MAP2K2: variants seen among roughly 807,000 people sequenced by gnomAD.
MAP2K2 encodes the protein dual specificity mitogen-activated protein kinase kinase 2.
In MAP2K2, 24 loss-of-function variants were observed where a neutral mutation model predicts 43.7. That is an observed-to-expected ratio of 0.55 (90% CI 0.40 to 0.77). The LOEUF (loss-of-function observed/expected upper bound fraction) is 0.77, where lower values mean the gene tolerates loss of function less well. Ranked by LOEUF, MAP2K2 falls within the 30% of genes least tolerant of loss-of-function variation. The pLI, the probability that MAP2K2 is intolerant of heterozygous loss-of-function variation, is 0.00. For missense variants in MAP2K2, 470 were observed against 566.8 expected (o/e 0.83, Z 1.73); for synonymous variants, 244 against 239.7 (o/e 1.02, Z -0.17).
chr19:4,097,102 G>A (rs1274643052), intron 8 of MAP2K2, among the ~76,000 whole-genome samples, 177 bp downstream of exon 8: 11 of 146,886 alleles, frequency 7.5e-5, no homozygotes, highest in African/African-American at 2.8e-4. Flanking sequence ...GCTGAGGCAC[G>A]AGAATCACAT....
In MAP2K2 at chr19:4,107,646, G is replaced by A. The variant is rs895306059; in HGVS notation, c.450+2863C>T. On this transcript the variant is annotated intron_variant, in intron 3 of 10. Coordinates refer to ENST00000262948, the MANE Select transcript of MAP2K2 (RefSeq NM_030662.4). ...CGTTTGAGCCCAAGAGGTGGAGGCT[G>A]CAGTGAGCTAGGATCATGCCACTGC... is the stretch of plus-strand genomic sequence containing the variant. Among the ~76,000 whole-genome samples, 14 of 152,032 alleles carry A rather than the reference G, an allele frequency of 9.2e-5. 1 individual carries two copies. The highest frequency in any genetic ancestry group is 2.6e-4 in the Admixed American group (4 of 15,254).
chr19:4,103,285 A>G (rs1286894316), intron 3 of MAP2K2: 2 of 982,808 alleles, frequency 2.0e-6, no homozygotes, highest in Admixed American at 6.1e-5. Flanking sequence ...ATGATGAAAC[A>G]GAAATTCCAT....
Position 4,115,292 on chromosome 19 carries a change from T to C in MAP2K2, c.303+2127A>G, listed in dbSNP as rs2041205972. 6.6e-6 allele frequency among the ~76,000 whole-genome samples: 1 copy of C among 152,124 alleles called. No homozygotes were observed. The highest frequency in any genetic ancestry group is 1.5e-5 in the Non-Finnish European group (1 of 68,010). On this transcript the variant is annotated intron_variant, in intron 2 of 10. Coordinates refer to ENST00000262948, the MANE Select transcript of MAP2K2 (RefSeq NM_030662.4). The surrounding 1 kb of genome is among the most constrained non-coding windows in gnomAD (Gnocchi z 4.1). Reference sequence around the variant, plus strand: ...TCAGGTTCAAAGGCCCCGATCTCCCTTTCCCCGCTACAGTAAAGCTGCAGG... The same window carrying C: ...TCAGGTTCAAAGGCCCCGATCTCCCCTTCCCCGCTACAGTAAAGCTGCAGG...
chr19:4,102,346 G>A (rs1309553751), intron 4 of MAP2K2, 30 bp downstream of exon 4: 2 of 1,554,732 alleles, frequency 1.3e-6, no homozygotes, highest in Non-Finnish European at 8.7e-7. Flanking sequence ...AGTGCGGTGG[G>A]GGCGCGATGT....
intron 1 of MAP2K2, 82 bp from the exon 2 acceptor site, chr19:4,117,711 C>T (rs1422885142): frequency 3.3e-6 from 4 of 1,219,260 alleles, no homozygotes; most frequent in African/African-American, 1.5e-5. Context: ...GGTGCATCGG[C>T]CCCCAGGAGG....
At chr19:4,098,063 C>T (rs368534009) in intron 7 of MAP2K2, among the ~76,000 whole-genome samples, 43 of 152,180 alleles carry the variant, frequency 2.8e-4, no homozygotes, top group African/African-American at 9.7e-4. Flanking sequence ...CCAATCCATC[C>T]GGGTAGGACC....
At chr19:4,117,914 C>T (rs1377815023) in intron 1 of MAP2K2, among the ~76,000 whole-genome samples, 1 of 152,114 alleles carries the variant, frequency 6.6e-6, no homozygotes, top group East Asian at 1.9e-4. Flanking sequence ...TCAAAGGACC[C>T]AGGAAGCCTC....
In MAP2K2 at chr19:4,090,409, C is replaced by T. The variant is rs2040843321; in HGVS notation, c.*189G>A. The T allele has an allele frequency of 1.6e-6, 1 of 633,648 alleles. No individual in the cohort carries two copies. The highest frequency in any genetic ancestry group is 2.4e-5 in the Admixed American group (1 of 41,782). 39.3% of individuals were successfully genotyped at this position (633,648 alleles called of 1,614,324 possible). A position where few individuals can be genotyped will look rare whatever the true frequency, so the allele number is the denominator to read the frequency against. ...CAGCAGCGTCGCCCGTCCCCAGAGG[C>T]ACCCCGGCCAGGACGGGCAGGAGAG... On this transcript the variant is annotated 3_prime_UTR_variant, in exon 11 of 11. Transcript: ENST00000262948.
At chr19:4,107,589 C>T (rs2041100805) in intron 3 of MAP2K2, among the ~76,000 whole-genome samples, 2 of 150,776 alleles carry the variant, frequency 1.3e-5, no homozygotes, top group South Asian at 4.2e-4. Context: ...CACCTGTAGT[C>T]CCGGCTACCT....
rs551098822 is a variant in MAP2K2 at position 4,101,290 on chromosome 19, A to G, written c.529-10T>C. 1.1e-5 allele frequency: 17 copies of G among 1,574,558 alleles called. No homozygotes were observed. The highest frequency in any genetic ancestry group is 3.5e-5 in the South Asian group (3 of 85,830). ...CCAAGCCCCGGAGAACCTGCAGGGG[A>G]GCGCGGAGGGAGTCACGGGACAAGG... On this transcript the variant is annotated splice_polypyrimidine_tract_variant and intron_variant, in intron 4 of 10. Transcript: ENST00000262948. This position sits in a 1 kb window ranked among gnomAD's most constrained non-coding sequence, Gnocchi z 6.3.
At chr19:4,091,797 T>C (rs2040858059) in intron 10 of MAP2K2, among the ~76,000 whole-genome samples, 1 of 152,176 alleles carries the variant, frequency 6.6e-6, no homozygotes, top group South Asian at 2.1e-4. Context: ...TACAGGTGCG[T>C]GCTACCATGC....
In MAP2K2 at chr19:4,102,469, G is replaced by A. The variant is rs2145057966; in HGVS notation, c.451-16C>T. 2 of 1,570,094 alleles carry A rather than the reference G, an allele frequency of 1.3e-6. No individual in the cohort carries two copies. Among genetic ancestry groups the A allele is most frequent in the South Asian group, 2.3e-5 (2 of 87,422 alleles). ...AGCCGCCGTCCTAGAGGGCACACAA[G>A]GAGTGAGTGCAGGCTCTGCGCAGGT... is the stretch of plus-strand genomic sequence containing the variant. On this transcript the variant is annotated splice_polypyrimidine_tract_variant and intron_variant, in intron 3 of 10. Transcript: ENST00000262948.
At chr19:4,110,704 G>A (rs2041144167) in intron 2 of MAP2K2, 49 bp from the exon 3 acceptor site, 1 of 1,591,182 alleles carries the variant, frequency 6.3e-7, no homozygotes, top group Non-Finnish European at 8.5e-7. Flanking sequence ...CCGAAAACGG[G>A]ATGAAGGCAT....
chr19:4,093,660 G>A (rs763150636), intron 10 of MAP2K2, among the ~76,000 whole-genome samples: 2 of 152,132 alleles, frequency 1.3e-5, no homozygotes, highest in Non-Finnish European at 2.9e-5. Context: ...CTGCACTCCA[G>A]TCTGGGCGAC....
At chr19:4,118,509 G>T (rs1335727951) in intron 1 of MAP2K2, among the ~76,000 whole-genome samples, 6 of 152,258 alleles carry the variant, frequency 3.9e-5, no homozygotes. Context: ...AACCCGGGAG[G>T]GGGAGATTGC....
intron 2 of MAP2K2, among the ~76,000 whole-genome samples, chr19:4,116,489 C>A (rs1264217998): frequency 6.6e-6 from 1 of 151,574 alleles, no homozygotes; most frequent in Admixed American, 6.6e-5. Context: ...AAGATCGCAC[C>A]ACTGCACTCC....
chr19:4,099,573 C>T, intron 6 of MAP2K2, 159 bp from the exon 7 acceptor site: 1 of 646,390 alleles, frequency 1.5e-6, no homozygotes, highest in Non-Finnish European at 2.7e-6. Context: ...GGCTCACCCA[C>T]CCAGGGCCTC....
At chr19:4,090,970 C>T (rs1028546546) in intron 10 of MAP2K2, among the ~76,000 whole-genome samples, 2 of 152,232 alleles carry the variant, frequency 1.3e-5, no homozygotes, top group African/African-American at 4.8e-5. Flanking sequence ...CGGCAGCCTG[C>T]GCTCCCAGGG....
intron 2 of MAP2K2, among the ~76,000 whole-genome samples, chr19:4,116,127 G>A (rs1294727161): frequency 6.6e-6 from 1 of 152,176 alleles, no homozygotes; most frequent in Non-Finnish European, 1.5e-5. Context: ...GAGGTTGCTG[G>A]GAAGGTATGT....
Sources: allele counts gnomAD v4.1 joint callset (sites outside exome capture counted in the v4.1 genomes callset), GRCh38; gene constraint gnomAD v4.1.1; non-coding constraint Gnocchi (gnomAD v3.1); transcripts MANE v1.5; gene names NCBI Gene and HGNC (gene_info 2026-07-23, HGNC 2026-07-21).